RERE: variants seen among roughly 807,000 people sequenced by gnomAD.
The protein encoded by RERE is arginine-glutamic acid dipeptide repeats protein.
RERE carries 40 observed loss-of-function variants against 146.1 expected under a neutral mutation model. The observed-to-expected ratio is 0.27, with a 90% CI of 0.21 to 0.36. The LOEUF is 0.36. Ranked by LOEUF, RERE falls within the 10% of genes least tolerant of loss-of-function variation. RERE has a pLI of 1.00. For missense variants in RERE, 1,933 were observed against 2,138.7 expected (o/e 0.90, Z 1.90); for synonymous variants, 1,003 against 866.0 (o/e 1.16, Z -2.78).
At chr1:8,771,373 A>T (rs1372357380) in intron 1 of RERE, among the ~76,000 whole-genome samples, 1 of 151,820 alleles carries the variant, frequency 6.6e-6, no homozygotes, top group South Asian at 2.1e-4. Context: ...AATACAAAAA[A>T]ATTAGCCAGA....
At chr1:8,381,218 T>C (rs1642443010) in intron 12 of RERE, 3 of 350,294 alleles carry the variant, frequency 8.6e-6, no homozygotes, top group South Asian at 6.4e-5. Context: ...CTGCAGGATA[T>C]CAAGTTATGT....
At position 8,358,915 on chromosome 1, in the gene RERE, T is replaced by C. The variant is rs750189507; in HGVS notation, c.3620A>G (p.Lys1207Arg). Reference protein sequence around the residue: ...EREREAERAAKASSSAHEGRL... With the variant: ...EREREAERAARASSSAHEGRL... ...ACCTTCATGCGCTGAGCTGGACGCCTTCTGCAGAAGGAAAAGAAAGCGTGA... is the reference window on the plus strand; with the variant it reads ...ACCTTCATGCGCTGAGCTGGACGCCCTCTGCAGAAGGAAAAGAAAGCGTGA... The change falls in exon 20 of 23, where the codon AAG becomes AGG. Residue 1207 changes from lysine (K) to arginine (R), a missense_variant and splice_region_variant. Around this residue, in one of 11 missense-constraint regions of RERE, gnomAD observed 1,255 missense variants for 1,153.8 expected, o/e 1.09. Transcript: ENST00000400908. 6.6e-7 allele frequency: 1 copy of C among 1,518,976 alleles called. No homozygotes were observed. Among genetic ancestry groups the C allele is most frequent in the Non-Finnish European group, 8.8e-7 (1 of 1,136,390 alleles). 94.1% of individuals were successfully genotyped at this position (1,518,976 alleles called of 1,614,324 possible).
chr1:8,419,081 A>C (rs994624477), intron 12 of RERE, among the ~76,000 whole-genome samples: 2 of 152,214 alleles, frequency 1.3e-5, no homozygotes, highest in Non-Finnish European at 2.9e-5. Flanking sequence ...CATTTCACCT[A>C]CTAATTATAT....
chr1:8,427,146 G>A lies in RERE; in HGVS notation c.1204-4339C>T, dbSNP rs79335838. ...GTTGAGATTACAGGTGTGAGTCACC[G>A]CACCCGGACAAGTGAAACCAACCAT... On this transcript the variant is annotated intron_variant, in intron 11 of 22. Coordinates refer to ENST00000400908, the MANE Select transcript of RERE (RefSeq NM_001042681.2). Among the ~76,000 whole-genome samples, 582 of 152,204 alleles carry A rather than the reference G, an allele frequency of 3.8e-3. 2 individuals are homozygous for A. Among genetic ancestry groups the A allele is most frequent in the Middle Eastern group, 0.01 (3 of 294 alleles).
Position 8,525,793 on chromosome 1 carries a change from C to T in RERE, c.830+15421G>A, listed in dbSNP as rs760574695. 1.3e-5 allele frequency: 20 copies of T among 1,598,280 alleles called. No individual in the cohort carries two copies. The South Asian group carries it at 1.5e-4, about 12-fold the overall frequency. On this transcript the variant is annotated intron_variant, in intron 7 of 22. Coordinates refer to ENST00000400908, the MANE Select transcript of RERE (RefSeq NM_001042681.2). ...CTGAATGGATCATCCATGACTAACA[C>T]GGGCTCTGGTGAGTCTAGCTGGATT...
Position 8,715,442 on chromosome 1 carries a change from C to T in RERE, c.-144-59001G>A, listed in dbSNP as rs529738371. On this transcript the variant is annotated intron_variant, in intron 1 of 22. Transcript: ENST00000400908. ...AGGAGAATCGCTTGAACCCAGGAGG[C>T]GGAGGTTTTGGTAAGCCGAGATTGC... is the stretch of plus-strand genomic sequence containing the variant. 8.6e-5 allele frequency among the ~76,000 whole-genome samples: 13 copies of T among 151,798 alleles called. No individual in the cohort carries two copies. The South Asian group carries it at 1.7e-3, about 19-fold the overall frequency.
intron 7 of RERE, among the ~76,000 whole-genome samples, chr1:8,516,226 G>GGAA (rs1331056947): frequency 1.9e-4 from 1 of 5,154 alleles, no homozygotes; most frequent in Non-Finnish European, 3.3e-4. Flanking sequence ...CTCTCTCAGA[G>GGAA]GAAAAAAAAA....
intron 1 of RERE, among the ~76,000 whole-genome samples, chr1:8,679,041 G>A (rs1017487518): frequency 6.6e-6 from 1 of 152,188 alleles, no homozygotes; most frequent in Non-Finnish European, 1.5e-5. Context: ...GCTACATGTG[G>A]CTAGCAGCTA....
intron 1 of RERE, among the ~76,000 whole-genome samples, chr1:8,799,749 ATTTT>A (rs111643730): frequency 1.4e-5 from 2 of 145,302 alleles, no homozygotes; most frequent in East Asian, 2.0e-4. Context: ...TTTTTTTGTG[ATTTT>A]TTTTTTTTAT....
Position 8,355,407 on chromosome 1 carries a change from A to G in RERE, c.4667+12T>C, listed in dbSNP as rs766579660. 4.3e-6 allele frequency: 7 copies of G among 1,611,198 alleles called. No homozygotes were observed. In the Admixed American group the frequency reaches 8.3e-5, roughly 19 times the overall value. On this transcript the variant is annotated intron_variant, in intron 22 of 22. Coordinates refer to ENST00000400908, the MANE Select transcript of RERE (RefSeq NM_001042681.2). The stretch of plus-strand genomic sequence containing the variant: ...GATAACCCCTCCACTCCCTCCCAGC[A>G]CCCCACCTCACCTGTAATAATCTTC...
intron 11 of RERE, among the ~76,000 whole-genome samples, chr1:8,448,725 A>T (rs1032968726): frequency 1.3e-5 from 2 of 152,154 alleles, no homozygotes; most frequent in African/African-American, 4.8e-5. Context: ...GCTACTTGGG[A>T]GGCTGAGGCA....
At chr1:8,402,997 C>G (rs954699424) in intron 12 of RERE, among the ~76,000 whole-genome samples, 1 of 152,120 alleles carries the variant, frequency 6.6e-6, no homozygotes, top group Non-Finnish European at 1.5e-5. Flanking sequence ...CTCCCGGGTT[C>G]AAGTGATTCT....
chr1:8,712,666 T>C (rs993564813), intron 1 of RERE, among the ~76,000 whole-genome samples: 1 of 152,208 alleles, frequency 6.6e-6, no homozygotes, highest in African/African-American at 2.4e-5. Context: ...CCTGGTTCTA[T>C]TATCTTTTAT....
chr1:8,710,513 T>C (rs766504440), intron 1 of RERE, among the ~76,000 whole-genome samples: 1 of 152,072 alleles, frequency 6.6e-6, no homozygotes, highest in Non-Finnish European at 1.5e-5. Context: ...CAAACATAGA[T>C]ATTTGTTTGT....
intron 1 of RERE, among the ~76,000 whole-genome samples, chr1:8,801,968 AAT>A (rs1343461978): frequency 2.0e-5 from 3 of 152,322 alleles, no homozygotes; most frequent in Non-Finnish European, 2.9e-5. Context: ...TGAATTGAAA[AAT>A]ATGTTTGGAA....
intron 10 of RERE, among the ~76,000 whole-genome samples, chr1:8,483,038 A>T (rs908871749): frequency 1.3e-5 from 2 of 152,244 alleles, no homozygotes; most frequent in Non-Finnish European, 2.9e-5. Flanking sequence ...ACATAAATAA[A>T]ACACTGGCAA....
At chr1:8,473,314 C>G (rs372822823) in intron 10 of RERE, among the ~76,000 whole-genome samples, 10 of 152,284 alleles carry the variant, frequency 6.6e-5, no homozygotes, top group Admixed American at 6.5e-4. Context: ...AGGCTGCTCA[C>G]ACCATACTCT....
chr1:8,623,461 A>G (rs1030747691), intron 3 of RERE, among the ~76,000 whole-genome samples: 30 of 152,066 alleles, frequency 2.0e-4, no homozygotes, highest in African/African-American at 3.9e-4. Flanking sequence ...AAACAACAAC[A>G]ATGACAAATA....
chr1:8,738,319 G>A (rs956973830), intron 1 of RERE, among the ~76,000 whole-genome samples: 2 of 151,860 alleles, frequency 1.3e-5, no homozygotes, highest in African/African-American at 4.8e-5. Flanking sequence ...GTCTCGCTCT[G>A]TCACTCAGGC....
Sources: allele counts gnomAD v4.1 joint callset (sites outside exome capture counted in the v4.1 genomes callset), GRCh38; gene constraint gnomAD v4.1.1; regional missense constraint gnomAD v4.1.1; transcripts MANE v1.5; gene names NCBI Gene and HGNC (gene_info 2026-07-23, HGNC 2026-07-21).